ERGIC1: variants seen among roughly 807,000 people sequenced by gnomAD.
ERGIC1 encodes endoplasmic reticulum-golgi intermediate compartment 1.
Under a neutral mutation model 38.3 loss-of-function variants are expected in ERGIC1, and 19 were observed. The observed-to-expected ratio is 0.50, with a 90% CI of 0.35 to 0.73. The LOEUF (loss-of-function observed/expected upper bound fraction) is 0.73. Ranked by LOEUF, ERGIC1 falls within the 30% of genes least tolerant of loss-of-function variation. ERGIC1 has a pLI of 0.01. For synonymous variants in ERGIC1, 124 were observed against 157.6 expected, an observed-to-expected ratio of 0.79 and a Z score of 1.60; for missense variants, 294 against 389.2, an observed-to-expected ratio of 0.76 and a Z score of 2.06.
chr5:172,866,558 A>T (rs1761867706), intron 1 of ERGIC1, among the ~76,000 whole-genome samples: 2 of 152,224 alleles, frequency 1.3e-5, no homozygotes, highest in Admixed American at 1.3e-4. Context: ...CATGGGGGCC[A>T]GGCGCTGTGC....
chr5:172,904,731 G>A (rs1275434361), intron 3 of ERGIC1, among the ~76,000 whole-genome samples: 6 of 152,230 alleles, frequency 3.9e-5, no homozygotes, highest in African/African-American at 9.6e-5. Flanking sequence ...AGCTCGTGGC[G>A]CTGGCTGGGG....
chr5:172,926,421 G>A lies in ERGIC1; in HGVS notation c.481-88G>A, dbSNP rs946595114. ...ACACATTGGTAGGGTTCCTAGACCAGGTGGTACCTGGCCATCCCCCACAAC... is the reference window on the plus strand; with the variant it reads ...ACACATTGGTAGGGTTCCTAGACCAAGTGGTACCTGGCCATCCCCCACAAC... On this transcript the variant is annotated intron_variant, in intron 6 of 9. Transcript: ENST00000393784. This position sits in a 1 kb window ranked among gnomAD's most constrained non-coding sequence, Gnocchi z 5.2. 2.1e-4 allele frequency: 306 copies of A among 1,469,892 alleles called. 1 individual carries two copies. In the Middle Eastern group the frequency reaches 2.1e-3, roughly 10 times the overall value. The allele number at this position is 1,469,892 out of a possible 1,614,324, so 91.1% of individuals were successfully genotyped here. A position where few individuals can be genotyped will look rare whatever the true frequency, so the allele number is the denominator to read the frequency against.
intron 5 of ERGIC1, among the ~76,000 whole-genome samples, chr5:172,920,853 T>C (rs1581576396): frequency 6.6e-6 from 1 of 152,288 alleles, no homozygotes; most frequent in East Asian, 1.9e-4. Flanking sequence ...TGGCTGTGGG[T>C]TTCTTACTCC....
intron 1 of ERGIC1, among the ~76,000 whole-genome samples, chr5:172,888,400 C>T (rs1217770787): frequency 1.3e-5 from 2 of 151,822 alleles, no homozygotes; most frequent in African/African-American, 4.8e-5. Flanking sequence ...GCAGAGGTTG[C>T]AGTGAGCCAA....
At chr5:172,836,751 G>A (rs1344178923) in intron 1 of ERGIC1, among the ~76,000 whole-genome samples, 1 of 152,212 alleles carries the variant, frequency 6.6e-6, no homozygotes, top group African/African-American at 2.4e-5. Flanking sequence ...AGGGAGGAGG[G>A]CTTATGGGGT....
At chr5:172,927,579 CTTTT>C (rs35565131) in intron 7 of ERGIC1, among the ~76,000 whole-genome samples, 3 of 131,268 alleles carry the variant, frequency 2.3e-5, no homozygotes, top group Non-Finnish European at 4.8e-5. Context: ...CTCTGCTGTG[CTTTT>C]TTTTTTTTTT....
chr5:172,849,322 C>T (rs991589664), intron 1 of ERGIC1, among the ~76,000 whole-genome samples: 3 of 152,094 alleles, frequency 2.0e-5, no homozygotes, highest in Admixed American at 6.5e-5. Flanking sequence ...TGTGCGGATC[C>T]GGGAGAGTCA....
intron 7 of ERGIC1, among the ~76,000 whole-genome samples, chr5:172,932,135 A>T (rs1763790709): frequency 6.6e-6 from 1 of 152,172 alleles, no homozygotes; most frequent in African/African-American, 2.4e-5. Context: ...CTGGGATTAC[A>T]GGCGTGAGCC....
chr5:172,914,775 C>T lies in ERGIC1; in HGVS notation c.312C>T (p.Ser104=), dbSNP rs1561733535. The T allele has an allele frequency of 6.2e-7, 1 of 1,614,174 alleles. No individual in the cohort carries two copies. Among genetic ancestry groups the T allele is most frequent in the Non-Finnish European group, 8.5e-7 (1 of 1,180,038 alleles). Residue 104 remains serine, a synonymous_variant, in exon 5 of 10, where the codon TCC becomes TCT. Coordinates refer to ENST00000393784, the MANE Select transcript of ERGIC1 (RefSeq NM_001031711.3). ...GRHEVGHIDN[S]MKIPLNNGAG... ...ACGAAGTGGGCCACATCGACAACTC[C>T]ATGAAGATCCCGCTGAACAATGGGG...
chr5:172,909,400 C>T (rs1334947075), intron 3 of ERGIC1, among the ~76,000 whole-genome samples: 3 of 152,054 alleles, frequency 2.0e-5, no homozygotes, highest in African/African-American at 7.2e-5. Flanking sequence ...CCTCAGGTGA[C>T]CCACCCACCT....
intron 1 of ERGIC1, among the ~76,000 whole-genome samples, chr5:172,870,294 C>T (rs1166559010): frequency 1.3e-5 from 2 of 152,196 alleles, no homozygotes; most frequent in Non-Finnish European, 2.9e-5. Context: ...GGGCTGCCCT[C>T]GGACCCCTTG....
At chr5:172,892,537 T>C (rs1476159918) in intron 2 of ERGIC1, among the ~76,000 whole-genome samples, 2 of 152,174 alleles carry the variant, frequency 1.3e-5, no homozygotes, top group African/African-American at 2.4e-5. Flanking sequence ...CCCCTTTGGC[T>C]GGCCGTACCA....
chr5:172,942,944 T>C (rs1224106141), intron 9 of ERGIC1, among the ~76,000 whole-genome samples: 1 of 152,160 alleles, frequency 6.6e-6, no homozygotes, highest in African/African-American at 2.4e-5. Flanking sequence ...GGAAGCTATC[T>C]GTACATGAAG....
chr5:172,841,912 G>T (rs1214973144), intron 1 of ERGIC1, among the ~76,000 whole-genome samples: 1 of 152,114 alleles, frequency 6.6e-6, no homozygotes, highest in Non-Finnish European at 1.5e-5. Context: ...GAAAGTTAAG[G>T]CTTGTTTATC....
intron 5 of ERGIC1, among the ~76,000 whole-genome samples, chr5:172,921,072 A>G (rs534939): frequency 0.042 from 6,323 of 152,190 alleles, 437 homozygotes; most frequent in African/African-American, 0.14. Context: ...TGTTCACCCT[A>G]CAAACCCGAT....
chr5:172,903,441 C>T (rs532731145), intron 3 of ERGIC1, among the ~76,000 whole-genome samples: 1 of 152,258 alleles, frequency 6.6e-6, no homozygotes, highest in Admixed American at 6.5e-5. Flanking sequence ...CCAGGCAGTG[C>T]AATGCCTTGG....
chr5:172,905,474 G>A (rs1023350183), intron 3 of ERGIC1: 7 of 464,904 alleles, frequency 1.5e-5, no homozygotes, highest in Admixed American at 2.4e-5. Context: ...TGGGCCATGC[G>A]GTGAGTGTTA....
At chr5:172,867,414 C>G (rs866420928) in intron 1 of ERGIC1, 2 of 396,540 alleles carry the variant, frequency 5.0e-6, no homozygotes, top group Admixed American at 2.7e-5. Context: ...TGGCTGCTGC[C>G]CGTAACTTTT....
Position 172,948,051 on chromosome 5 carries a change from A to T in ERGIC1, c.766-2658A>T, listed in dbSNP as rs1432202254. ...GAAATAAACCAGCTCCCCTGCCGTC[A>T]TCTTCCCTGAAAAGTCCCCCTGCGT... On this transcript the variant is annotated intron_variant, in intron 9 of 9. Transcript: ENST00000393784. Among the ~76,000 whole-genome samples, 3 of 152,306 alleles carry T rather than the reference A, an allele frequency of 2.0e-5. No homozygotes were observed. The South Asian group carries it at 6.2e-4, about 32-fold the overall frequency.
Sources: gnomAD v4.1 joint callset for allele counts (sites outside exome capture counted in the v4.1 genomes callset) on GRCh38, gnomAD v4.1.1 for gene constraint, Gnocchi (gnomAD v3.1) non-coding constraint, MANE v1.5 for transcripts, NCBI Gene and HGNC (gene_info 2026-07-23, HGNC 2026-07-21) for gene names.